The following DISP1 variants were observed in gnomAD, a reference collection of about 807,000 sequenced individuals.
The protein encoded by DISP1 is protein dispatched homolog 1.
DISP1 carries 30 observed loss-of-function variants against 37.3 expected under a neutral mutation model. The ratio of observed to expected loss-of-function variants is 0.80; its 90% confidence interval spans 0.60 to 1.09. DISP1 has a LOEUF of 1.09. DISP1 is among the 50% of genes least tolerant of loss of function. The pLI is 0.00. For synonymous variants in DISP1, 634 were observed against 690.2 expected (o/e 0.92, Z 1.28); for missense variants, 1,598 against 1,879.5 (o/e 0.85, Z 2.77).
At chr1:222,930,452 G>T (rs1296393421) in intron 2 of DISP1, among the ~76,000 whole-genome samples, 2 of 152,122 alleles carry the variant, frequency 1.3e-5, no homozygotes, top group East Asian at 3.9e-4. Flanking sequence ...AGAAAAGCTA[G>T]ACTTGGAGAA....
At position 223,005,839 on chromosome 1, in the gene DISP1, A is replaced by AC. The variant is rs1377644793; in HGVS notation, c.4442_4443insC (p.Gln1481HisfsTer37). 1.9e-6 allele frequency: 3 copies of AC among 1,614,100 alleles called. No homozygotes were observed. The highest frequency in any genetic ancestry group is 1.7e-6 in the Non-Finnish European group (2 of 1,180,058). On this transcript the variant is annotated frameshift_variant, in exon 9 of 9. Transcript: ENST00000675850. LOFTEE classifies it low-confidence loss of function (END_TRUNC). ...TGTAGGTCTTGCCCAAATAATTCAC[A>AC]AAGTTGTGGCAGAATTGTGAGAGTG...
At chr1:222,916,239 G>A (rs1672487456) in intron 1 of DISP1, among the ~76,000 whole-genome samples, 1 of 152,176 alleles carries the variant, frequency 6.6e-6, no homozygotes, top group Non-Finnish European at 1.5e-5. Flanking sequence ...CAACATAGTA[G>A]CATACTTTAT....
chr1:222,968,613 T>G (rs982316698), intron 3 of DISP1, among the ~76,000 whole-genome samples: 1 of 152,162 alleles, frequency 6.6e-6, no homozygotes, highest in Non-Finnish European at 1.5e-5. Flanking sequence ...TATGTCAAAA[T>G]TAATTTTTAG....
At chr1:222,968,786 A>C (rs1016077590) in intron 3 of DISP1, among the ~76,000 whole-genome samples, 11 of 152,018 alleles carry the variant, frequency 7.2e-5, no homozygotes, top group Admixed American at 4.6e-4. Flanking sequence ...ATACAAAATT[A>C]GCCAGGCATG....
chr1:222,897,429 C>G (rs1398817089), intron 1 of DISP1, among the ~76,000 whole-genome samples: 1 of 152,092 alleles, frequency 6.6e-6, no homozygotes, highest in African/African-American at 2.4e-5. Context: ...TGTCAAAACT[C>G]ATTGCACTGT....
intron 1 of DISP1, among the ~76,000 whole-genome samples, chr1:222,894,134 T>C (rs1266261911): frequency 6.6e-6 from 1 of 152,142 alleles, no homozygotes; most frequent in Non-Finnish European, 1.5e-5. Context: ...GGTTGATCCA[T>C]GGTTGGGCCC....
intron 1 of DISP1, among the ~76,000 whole-genome samples, chr1:222,870,771 C>T (rs1197004476): frequency 1.3e-5 from 2 of 152,262 alleles, no homozygotes; most frequent in South Asian, 2.1e-4. Context: ...GTTTCTTTTG[C>T]TGTGCAGAAG....
At chr1:222,924,630 GA>G (rs1043120975) in intron 1 of DISP1, among the ~76,000 whole-genome samples, 1 of 152,120 alleles carries the variant, frequency 6.6e-6, no homozygotes, top group Non-Finnish European at 1.5e-5. Context: ...TAGTTTTTCT[GA>G]ACTTGTACTT....
intron 3 of DISP1, among the ~76,000 whole-genome samples, chr1:222,970,217 A>G (rs577092287): frequency 6.6e-6 from 1 of 152,180 alleles, no homozygotes; most frequent in Non-Finnish European, 1.5e-5. Context: ...ACAGTGTGAC[A>G]TGCACCAGCA....
intron 3 of DISP1, 61 bp from the exon 4 acceptor site, chr1:222,983,019 T>C: frequency 1.6e-6 from 2 of 1,267,262 alleles, no homozygotes; most frequent in Non-Finnish European, 2.3e-6. Context: ...CCTTTGTTTA[T>C]GTTATGATGT....
Position 222,958,483 on chromosome 1 carries a change from A to G in DISP1, c.509+15151A>G, listed in dbSNP as rs1675793888. 2.0e-5 allele frequency among the ~76,000 whole-genome samples: 3 copies of G among 152,320 alleles called. No homozygotes were observed. The South Asian group carries it at 6.2e-4, about 32-fold the overall frequency. ...TCCCTTGGACTGGCATATTCCTGTC[A>G]TTTATAAAAAGAATATACATTTGTA... On this transcript the variant is annotated intron_variant, in intron 3 of 8. Transcript: ENST00000675850.
chr1:222,821,960 G>A (rs1663053910), intron 1 of DISP1, among the ~76,000 whole-genome samples: 1 of 151,042 alleles, frequency 6.6e-6, no homozygotes, highest in Non-Finnish European at 1.5e-5. Context: ...TGTAAAACAT[G>A]CCTTGGTTCC....
At chr1:222,921,806 C>G (rs1475298336) in intron 1 of DISP1, among the ~76,000 whole-genome samples, 1 of 151,796 alleles carries the variant, frequency 6.6e-6, no homozygotes, top group Non-Finnish European at 1.5e-5. Flanking sequence ...ACTTTATATC[C>G]CTTCTTAAGG....
chr1:222,903,384 C>A (rs1671718391), intron 1 of DISP1, among the ~76,000 whole-genome samples: 2 of 150,508 alleles, frequency 1.3e-5, no homozygotes, highest in African/African-American at 4.9e-5. Context: ...ACCAACGTGG[C>A]ATATGTATAC....
chr1:222,974,147 C>T (rs1420456983), intron 3 of DISP1, among the ~76,000 whole-genome samples: 1 of 152,156 alleles, frequency 6.6e-6, no homozygotes, highest in Admixed American at 6.5e-5. Flanking sequence ...TTACTCCTAA[C>T]TGATGTTTGA....
rs1369615470 is a variant in DISP1 at position 223,005,576 on chromosome 1, A to T, written c.4179A>T (p.Ser1393=). 1.9e-6 allele frequency: 3 copies of T among 1,614,058 alleles called. No individual in the cohort carries two copies. In the African/African-American group the frequency reaches 4.0e-5, roughly 22 times the overall value. Residue 1393 remains serine (S), a synonymous_variant, in exon 9 of 9, where the codon TCA becomes TCT. Coordinates refer to ENST00000675850, the MANE Select transcript of DISP1 (RefSeq NM_001377229.1). ...EHLPKMAEPS[S]FVCRSTGSLL... ...TTCCAAAGATGGCAGAGCCATCGTC[A>T]TTTGTCTGCAGAAGCACTGGATCGT...
intron 3 of DISP1, among the ~76,000 whole-genome samples, chr1:222,962,948 G>C (rs955427546): frequency 6.6e-6 from 1 of 152,152 alleles, no homozygotes; most frequent in African/African-American, 2.4e-5. Context: ...TTAAACTAAA[G>C]AGCATCTGCA....
intron 1 of DISP1, among the ~76,000 whole-genome samples, chr1:222,856,813 C>T (rs1393512142): frequency 1.3e-5 from 2 of 150,434 alleles, no homozygotes; most frequent in Non-Finnish European, 1.5e-5. Flanking sequence ...AAGCAGTCCT[C>T]CTGCCTCAGC....
intron 3 of DISP1, among the ~76,000 whole-genome samples, chr1:222,974,250 A>G (rs1677160352): frequency 6.6e-6 from 1 of 152,148 alleles, no homozygotes; most frequent in Admixed American, 6.5e-5. Context: ...TGTTACACAC[A>G]CCAGCTCATT....
Sources: allele counts gnomAD v4.1 joint callset (sites outside exome capture counted in the v4.1 genomes callset), GRCh38; gene constraint gnomAD v4.1.1; transcripts MANE v1.5; gene names NCBI Gene and HGNC (gene_info 2026-07-23, HGNC 2026-07-21).